The following MUTYH variants were observed in gnomAD, a reference collection of about 807,000 sequenced individuals.
MUTYH encodes mutY DNA glycosylase.
MUTYH carries 64 observed loss-of-function variants against 72.9 expected under a neutral mutation model. That is an observed-to-expected ratio of 0.88 (90% CI 0.72 to 1.08). The LOEUF is 1.08. Ranked by LOEUF, MUTYH falls within the 50% of genes least tolerant of loss-of-function variation. MUTYH has a pLI of 0.00. For missense variants in MUTYH, 633 were observed against 671.0 expected (o/e 0.94, Z 0.63); for synonymous variants, 234 against 263.1 (o/e 0.89, Z 1.07).
At position 45,331,374 on chromosome 1, in the gene MUTYH, A is replaced by G. The variant is rs368600780; in HGVS notation, c.1240-40T>C. 244 of 1,614,096 alleles carry G rather than the reference A, an allele frequency of 1.5e-4. No individual in the cohort carries two copies. Among genetic ancestry groups the G allele is most frequent in the Non-Finnish European group, 1.8e-4 (216 of 1,180,034 alleles). On this transcript the variant is annotated intron_variant, in intron 13 of 15. Coordinates refer to ENST00000456914, the MANE Select transcript of MUTYH (RefSeq NM_001048174.2). ...AAGGGGTTCAAATAGGCCTGTGGAT[A>G]TAGCCTCAAAAGCCAACATCCTTGG...
rs370124822 is a variant in MUTYH, at chr1:45,333,513, G to C, written c.164C>G (p.Ser55Ter). The change falls in exon 3 of 16, where the codon TCA becomes TGA. Residue 55 changes from serine to a stop codon, truncating the protein, a stop_gained. Coordinates refer to ENST00000456914, the MANE Select transcript of MUTYH (RefSeq NM_001048174.2). LOFTEE classifies it high-confidence loss of function. Reference sequence around the variant, plus strand: ...AGCTACGTCTCTGAATAGATGGTATGAGGAGACAGAGGCCTGCAATACCAC... The same window carrying C: ...AGCTACGTCTCTGAATAGATGGTATCAGGAGACAGAGGCCTGCAATACCAC... ...EEVVLQASVS[S>*]YHLFRDVAEV... is the part of the protein sequence containing the mutation. 6.2e-7 allele frequency: 1 copy of C among 1,614,086 alleles called. No homozygotes were observed. The highest frequency in any genetic ancestry group is 8.5e-7 in the Non-Finnish European group (1 of 1,180,036).
upstream of MUTYH, chr1:45,340,185 C>CCG (rs766360686): frequency 6.2e-7 from 1 of 1,612,942 alleles, no homozygotes; most frequent in South Asian, 1.1e-5. Context: ...ACTGCCTGAA[C>CCG]CGCGCCAGGA....
intron 1 of MUTYH, among the ~76,000 whole-genome samples, chr1:45,335,093 A>T (rs1464837815): frequency 6.6e-6 from 1 of 152,192 alleles, no homozygotes; most frequent in Non-Finnish European, 1.5e-5. Context: ...GACCATCAAC[A>T]ATGAGAAAAT....
chr1:45,330,133 T>TGAG, intron 15 of MUTYH: 1 of 180,540 alleles, frequency 5.5e-6, no homozygotes. Flanking sequence ...CTTGGGAGAC[T>TGAG]GAGGCAGGAG....
rs878854193 is a variant in MUTYH, at chr1:45,332,573, C to A, written c.606+1G>T. 1 of 1,614,056 alleles carries A rather than the reference C, an allele frequency of 6.2e-7. No homozygotes were observed. Among genetic ancestry groups the A allele is most frequent in the Non-Finnish European group, 8.5e-7 (1 of 1,180,004 alleles). ...AAAGTGGGGGTGGGCTGTGAGATCA[C>A]CTGGCCAAAGGCGATAGAGGCAATG... On this transcript the variant is annotated splice_donor_variant, in intron 8 of 15. Transcript: ENST00000456914. LOFTEE classifies it high-confidence loss of function.
In MUTYH at chr1:45,330,541, T is replaced by C. The variant is rs587780085; in HGVS notation, c.1409A>G (p.Gln470Arg). ...CATACAGGTCCCTGGCTGTTGGCCC[T>C]GATACACACGGAAAACCTAGACAAG... ...TAMKKVFRVY[Q>R]GQQPGTCMGS... The change falls in exon 15 of 16, where the codon CAG becomes CGG. Residue 470 changes from glutamine to arginine, a missense_variant. Gln to Arg is a conservative substitution (Grantham distance 43, BLOSUM62 1). Coordinates refer to ENST00000456914, the MANE Select transcript of MUTYH (RefSeq NM_001048174.2). 10 of 1,609,400 alleles carry C rather than the reference T, an allele frequency of 6.2e-6. No homozygotes were observed. The highest frequency in any genetic ancestry group is 8.5e-6 in the Non-Finnish European group (10 of 1,177,722).
chr1:45,334,320 T>TC, intron 2 of MUTYH, 71 bp downstream of exon 2: 3 of 1,606,386 alleles, frequency 1.9e-6, no homozygotes, highest in Non-Finnish European at 2.5e-6. Flanking sequence ...TTGATACGTA[T>TC]CACAATCCCT....
intron 2 of MUTYH, 149 bp from the exon 3 acceptor site, chr1:45,333,710 T>TA (rs1320498965): frequency 8.4e-7 from 1 of 1,195,802 alleles, no homozygotes; most frequent in Non-Finnish European, 1.1e-6. Flanking sequence ...AGACCAGAGT[T>TA]ATGTAATTGT....
intron 15 of MUTYH, 145 bp downstream of exon 15, chr1:45,330,371 G>A (rs1390001762): frequency 3.2e-6 from 3 of 949,480 alleles, no homozygotes; most frequent in Non-Finnish European, 4.9e-6. Context: ...CCCCACAATG[G>A]AAGGTCTCCA....
rs1374712964 is a variant in MUTYH at position 45,332,028 on chromosome 1, T to C, written c.908A>G (p.Glu303Gly). The part of the protein sequence containing the change: ...GSLSGSPDVE[E>G]CAPNTGQCHL... ...GGGCTAGGTTTGGTGCTCACCACACTCCTCCACGTCAGGACTGCCCGACAG... is the reference window on the plus strand; with the variant it reads ...GGGCTAGGTTTGGTGCTCACCACACCCCTCCACGTCAGGACTGCCCGACAG... The change falls in exon 11 of 16, where the codon GAG becomes GGG. Residue 303 changes from glutamate (E) to glycine (G), a missense_variant. By Grantham distance (98) the Glu-to-Gly change is moderately conservative. Transcript: ENST00000456914. 6.2e-7 allele frequency: 1 copy of C among 1,614,014 alleles called. No homozygotes were observed. Among genetic ancestry groups the C allele is most frequent in the East Asian group, 2.2e-5 (1 of 44,888 alleles).
chr1:45,334,753 G>A (rs570017365), intron 1 of MUTYH, among the ~76,000 whole-genome samples: 5 of 152,360 alleles, frequency 3.3e-5, no homozygotes, highest in Admixed American at 3.3e-4. Flanking sequence ...TGCAAAGACT[G>A]TGAGGCCAGG....
intron 1 of MUTYH, among the ~76,000 whole-genome samples, chr1:45,336,442 CAAAAGAAGTGAAAATAGCCTT>C (rs1170597452): frequency 6.6e-6 from 1 of 152,208 alleles, no homozygotes; most frequent in East Asian, 1.9e-4. Flanking sequence ...TGAAGATCTA[CAAAAGAAGTGAAAATAGCCTT>C]AACTGATCAC....
Position 45,332,817 on chromosome 1 carries a change from C to G in MUTYH, c.438G>C (p.Trp146Cys). The change falls in exon 7 of 16, where the codon TGG (tryptophan) becomes TGC (cysteine). Residue 146 changes from tryptophan to cysteine, a missense_variant. Coordinates refer to ENST00000456914, the MANE Select transcript of MUTYH (RefSeq NM_001048174.2). ...SASLEEVNQL[W>C]AGLGYYSRGR... ...CACGAGAATAGTAGCCCAGGCCAGC[C>G]CAGAGTTGATTCACCTCCTGTGGGT... is the stretch of plus-strand genomic sequence containing the variant. 2 of 1,614,204 alleles carry G rather than the reference C, an allele frequency of 1.2e-6. No homozygotes were observed. The highest frequency in any genetic ancestry group is 1.7e-6 in the Non-Finnish European group (2 of 1,180,020).
rs1377976805 is a variant in MUTYH, at chr1:45,331,814, G to A, written c.949C>T (p.Pro317Ser). ...AGGGTCTGGTCCCAGGGCTCCGAGG[G>A]AGGCAGGCACAGGTGGCACTGTCCA... ...NTGQCHLCLP[P>S]SEPWDQTLGV... Residue 317 changes from proline to serine, a missense_variant, in exon 12 of 16, where the codon CCC (proline) becomes TCC (serine). Physicochemically the swap from Pro to Ser is moderately conservative, Grantham distance 74. Coordinates refer to ENST00000456914, the MANE Select transcript of MUTYH (RefSeq NM_001048174.2). 2 of 1,609,848 alleles carry A rather than the reference G, an allele frequency of 1.2e-6. No individual in the cohort carries two copies. Among genetic ancestry groups the A allele is most frequent in the South Asian group, 2.2e-5 (2 of 90,748 alleles).
chr1:45,340,050 G>A, upstream of MUTYH: 1 of 1,541,690 alleles, frequency 6.5e-7, no homozygotes, highest in Non-Finnish European at 8.8e-7. Flanking sequence ...CGGGCTGCGA[G>A]CCGGCAGCAC....
rs374502155 is a variant in MUTYH at position 45,332,998 on chromosome 1, G to A, written c.379-39C>T. The A allele has an allele frequency of 5.3e-5, 86 of 1,613,976 alleles. No individual in the cohort carries two copies. The African/African-American group carries it at 1.0e-3, about 20-fold the overall frequency. ...CAGGCAGAAAGAGACAAGGTCAAGGGTGAAGGTGGTAGAGGAAGCCTTCTC... is the reference window on the plus strand; with the variant it reads ...CAGGCAGAAAGAGACAAGGTCAAGGATGAAGGTGGTAGAGGAAGCCTTCTC... On this transcript the variant is annotated intron_variant, in intron 5 of 15. Coordinates refer to ENST00000456914, the MANE Select transcript of MUTYH (RefSeq NM_001048174.2).
In MUTYH at chr1:45,332,952, G is replaced by A. The variant is rs777184451; in HGVS notation, c.386C>T (p.Pro129Leu). 1.5e-5 allele frequency: 24 copies of A among 1,613,974 alleles called. No individual in the cohort carries two copies. Among genetic ancestry groups the A allele is most frequent in the Non-Finnish European group, 1.7e-5 (20 of 1,180,020 alleles). ...AGCACTGGCCAGGTCCTGCAGTGTA[G>A]GCCACTTCTATAGCCACAGGCAGGC... ...NYYTGWMQKW[P>L]TLQDLASASL... The change falls in exon 6 of 16, where the codon CCT (proline) becomes CTT (leucine). Residue 129 changes from proline to leucine, a missense_variant. By Grantham distance (98) the Pro-to-Leu change is moderately conservative (BLOSUM62 -3). Coordinates refer to ENST00000456914, the MANE Select transcript of MUTYH (RefSeq NM_001048174.2).
chr1:45,332,218 C>T lies in MUTYH; in HGVS notation c.797G>A (p.Arg266His), dbSNP rs146044717. ...CACAGGGCACTGGCTGCACAGTGGG[C>T]GCTGTGGGGTACACACTGTGGCCCC... ...ELGATVCTPQ[R>H]PLCSQCPVES... is the part of the protein sequence containing the mutation. The change falls in exon 10 of 16, where the codon CGC becomes CAC. Residue 266 changes from arginine to histidine, a missense_variant. Coordinates refer to ENST00000456914, the MANE Select transcript of MUTYH (RefSeq NM_001048174.2). The T allele has an allele frequency of 2.5e-5, 41 of 1,614,050 alleles. No individual in the cohort carries two copies. The highest frequency in any genetic ancestry group is 1.8e-4 in the South Asian group (16 of 91,088).
intron 14 of MUTYH, among the ~76,000 whole-genome samples, chr1:45,330,943 G>A (rs1179203002): frequency 6.6e-6 from 1 of 152,138 alleles, no homozygotes; most frequent in Non-Finnish European, 1.5e-5. Context: ...AAATTAGCCA[G>A]GCATGGTGGC....
Sources: gnomAD v4.1 joint callset for allele counts (sites outside exome capture counted in the v4.1 genomes callset) on GRCh38, gnomAD v4.1.1 for gene constraint, MANE v1.5 for transcripts, NCBI Gene and HGNC (gene_info 2026-07-23, HGNC 2026-07-21) for gene names.